Variants in CNBD1 observed in about 807,000 individuals in gnomAD.
CNBD1 encodes cyclic nucleotide-binding domain-containing protein 1.
A neutral mutation model predicts 54.4 loss-of-function variants in CNBD1; 71 were observed. The observed-to-expected ratio is 1.30, with a 90% CI of 1.08 to 1.59. The LOEUF is 1.59. Ranked by LOEUF, CNBD1 falls within the 40% of genes most tolerant of loss-of-function variation. The pLI is 0.00. For missense variants in CNBD1, 659 were observed against 518.0 expected, an observed-to-expected ratio of 1.27 and a Z score of -2.64; for synonymous variants, 182 against 170.7, an observed-to-expected ratio of 1.07 and a Z score of -0.51.
At chr8:87,173,529 G>A (rs2130770691) in intron 4 of CNBD1, among the ~76,000 whole-genome samples, 1 of 152,198 alleles carries the variant, frequency 6.6e-6, no homozygotes, top group South Asian at 2.1e-4. Context: ...TCTCTGTCAT[G>A]TTTGAAGGAT....
At position 87,382,697 on chromosome 8, in the gene CNBD1, G is replaced by C; in HGVS notation, c.*70G>C. ...TAAATAATGGAATAATTGCATTCTG[G>C]AATACTATCAAACTACCAGCAATGA... On this transcript the variant is annotated 3_prime_UTR_variant, in exon 11 of 11. Coordinates refer to ENST00000518476, the MANE Select transcript of CNBD1 (RefSeq NM_173538.3). 8.6e-7 allele frequency: 1 copy of C among 1,161,064 alleles called. No homozygotes were observed. Among genetic ancestry groups the C allele is most frequent in the Non-Finnish European group, 1.2e-6 (1 of 807,916 alleles). The allele number at this position is 1,161,064 out of a possible 1,614,324, so 71.9% of individuals were successfully genotyped here. A position where few individuals can be genotyped will look rare whatever the true frequency, so the allele number is the denominator to read the frequency against.
intron 4 of CNBD1, among the ~76,000 whole-genome samples, chr8:87,086,323 T>C (rs1360841551): frequency 1.3e-5 from 2 of 152,224 alleles, no homozygotes; most frequent in African/African-American, 4.8e-5. Context: ...CTGACTTTTC[T>C]TAGGTATCAG....
chr8:87,012,873 C>T (rs1405825991), intron 4 of CNBD1, among the ~76,000 whole-genome samples: 1 of 152,200 alleles, frequency 6.6e-6, no homozygotes, highest in Non-Finnish European at 1.5e-5. Flanking sequence ...ATTGATAACT[C>T]ATGCATCCTA....
intron 4 of CNBD1, among the ~76,000 whole-genome samples, chr8:86,986,564 G>A (rs1808612117): frequency 6.6e-6 from 1 of 152,164 alleles, no homozygotes; most frequent in African/African-American, 2.4e-5. Context: ...TGCTTTTGGG[G>A]ACTTATTCAA....
At chr8:87,361,122 T>C (rs568615046) in intron 10 of CNBD1, among the ~76,000 whole-genome samples, 1 of 152,090 alleles carries the variant, frequency 6.6e-6, no homozygotes, top group Non-Finnish European at 1.5e-5. Flanking sequence ...TGCATTGTGA[T>C]TTAAAATTTT....
chr8:87,250,469 A>G (rs899232461), intron 6 of CNBD1, among the ~76,000 whole-genome samples: 3 of 152,198 alleles, frequency 2.0e-5, no homozygotes, highest in Non-Finnish European at 4.4e-5. Context: ...ATCTCACTAC[A>G]GAGTATATAT....
At chr8:86,870,344 G>A (rs1219382376) in intron 1 of CNBD1, among the ~76,000 whole-genome samples, 2 of 151,558 alleles carry the variant, frequency 1.3e-5, no homozygotes, top group East Asian at 1.9e-4. Flanking sequence ...TATGTTAGTC[G>A]CAGCCACGCC....
intron 4 of CNBD1, among the ~76,000 whole-genome samples, chr8:87,168,464 C>A (rs571890523): frequency 4.5e-4 from 69 of 151,858 alleles, no homozygotes; most frequent in African/African-American, 1.5e-3. Context: ...TTTAAATGTA[C>A]CATTAAATTA....
chr8:87,354,895 A>T (rs1810392170), intron 10 of CNBD1, among the ~76,000 whole-genome samples: 1 of 152,196 alleles, frequency 6.6e-6, no homozygotes, highest in Non-Finnish European at 1.5e-5. Flanking sequence ...TAGCAGCATG[A>T]TTTATAATCC....
chr8:87,078,440 C>G (rs1810919882), intron 4 of CNBD1, among the ~76,000 whole-genome samples: 1 of 152,184 alleles, frequency 6.6e-6, no homozygotes, highest in South Asian at 2.1e-4. Context: ...TAACAAGGAA[C>G]AAATGCCACG....
chr8:87,327,686 A>G (rs4961025), intron 8 of CNBD1, among the ~76,000 whole-genome samples: 152,205 of 152,214 alleles, frequency 1, 76,098 homozygotes, highest in Middle Eastern at 1. Context: ...ACACCCACTG[A>G]CCTGCGCCCA....
intron 4 of CNBD1, among the ~76,000 whole-genome samples, chr8:86,996,914 C>G (rs1449208448): frequency 6.6e-6 from 1 of 152,066 alleles, no homozygotes; most frequent in Non-Finnish European, 1.5e-5. Context: ...ATAGATGGTA[C>G]CTTTTTGGTT....
intron 4 of CNBD1, among the ~76,000 whole-genome samples, chr8:86,945,234 G>A (rs1807438584): frequency 6.6e-6 from 1 of 152,170 alleles, no homozygotes; most frequent in Non-Finnish European, 1.5e-5. Flanking sequence ...GCTGTGAAAT[G>A]CAGATTAAGA....
intron 4 of CNBD1, among the ~76,000 whole-genome samples, chr8:87,169,497 G>A (rs973900363): frequency 6.6e-6 from 1 of 151,930 alleles, no homozygotes; most frequent in East Asian, 1.9e-4. Context: ...TAACCTCCTC[G>A]AGATTTTCAC....
intron 4 of CNBD1, among the ~76,000 whole-genome samples, chr8:87,134,443 T>C (rs1318120183): frequency 6.6e-6 from 1 of 152,056 alleles, no homozygotes; most frequent in Non-Finnish European, 1.5e-5. Flanking sequence ...ATAACTTTTA[T>C]TGTTAAGTTC....
intron 10 of CNBD1, among the ~76,000 whole-genome samples, chr8:87,355,616 G>A (rs1029309223): frequency 6.6e-6 from 1 of 152,098 alleles, no homozygotes; most frequent in Non-Finnish European, 1.5e-5. Flanking sequence ...AAAGAAAATT[G>A]TAGATATGTA....
intron 10 of CNBD1, among the ~76,000 whole-genome samples, chr8:87,360,415 A>G (rs1586045418): frequency 1.3e-5 from 2 of 151,846 alleles, no homozygotes; most frequent in Admixed American, 1.3e-4. Flanking sequence ...ACATCTAAAT[A>G]AGAATGAGAA....
intron 4 of CNBD1, among the ~76,000 whole-genome samples, chr8:87,175,618 T>C (rs115786006): frequency 0.011 from 1,615 of 152,294 alleles, 42 homozygotes; most frequent in African/African-American, 0.037. Context: ...ATAGTCTTCT[T>C]TATTCTTCCC....
intron 3 of CNBD1, among the ~76,000 whole-genome samples, chr8:86,920,680 C>T (rs1282690733): frequency 2.0e-5 from 3 of 152,094 alleles, no homozygotes; most frequent in Non-Finnish European, 4.4e-5. Context: ...ACCCAAATTG[C>T]CAGTCATACC....
Sources: allele counts gnomAD v4.1 joint callset (sites outside exome capture counted in the v4.1 genomes callset), GRCh38; gene constraint gnomAD v4.1.1; transcripts MANE v1.5; gene names NCBI Gene and HGNC (gene_info 2026-07-23, HGNC 2026-07-21).